SAMD12: variants seen among roughly 807,000 people sequenced by gnomAD.
SAMD12 encodes sterile alpha motif domain containing 12.
Under a neutral mutation model 15.0 loss-of-function variants are expected in SAMD12, and 9 were observed. The ratio of observed to expected loss-of-function variants is 0.60; its 90% confidence interval spans 0.36 to 1.05. SAMD12 has a LOEUF of 1.05. Among genes scored for constraint, SAMD12 ranks in the 50% least tolerant of loss-of-function variants. The pLI is 0.01. For synonymous variants in SAMD12, 86 were observed against 90.1 expected (o/e 0.96, Z 0.25); for missense variants, 230 against 234.2 (o/e 0.98, Z 0.12).
At chr8:118,556,735 C>T (rs1046621566) in intron 2 of SAMD12, among the ~76,000 whole-genome samples, 17 of 151,962 alleles carry the variant, frequency 1.1e-4, no homozygotes, top group African/African-American at 2.2e-4. Context: ...GAGGCCGAGG[C>T]GGGCGAATCA....
At chr8:118,547,010 G>T (rs948803383) in intron 2 of SAMD12, among the ~76,000 whole-genome samples, 6 of 152,154 alleles carry the variant, frequency 3.9e-5, no homozygotes, top group Non-Finnish European at 8.8e-5. Flanking sequence ...TACTGAAAAA[G>T]AATGTTTACA....
At chr8:118,428,569 A>C (rs56234774) in intron 3 of SAMD12, among the ~76,000 whole-genome samples, 7,371 of 152,170 alleles carry the variant, frequency 0.048, 424 homozygotes, top group African/African-American at 0.14. Context: ...ATAAAGTTTT[A>C]AATTTAGGTC....
At chr8:118,329,841 T>C (rs1478889200) in intron 4 of SAMD12, among the ~76,000 whole-genome samples, 3 of 152,168 alleles carry the variant, frequency 2.0e-5, no homozygotes, top group Non-Finnish European at 4.4e-5. Flanking sequence ...AGATGAATGA[T>C]GGGTTTATGT....
chr8:118,523,536 G>A (rs1034923431), intron 2 of SAMD12, among the ~76,000 whole-genome samples: 4 of 151,346 alleles, frequency 2.6e-5, no homozygotes, highest in East Asian at 2.0e-4. Context: ...TTCCTCTCTC[G>A]CACATGCCTT....
chr8:118,503,111 G>C (rs73317353), intron 2 of SAMD12, among the ~76,000 whole-genome samples: 9,832 of 152,186 alleles, frequency 0.065, 1,003 homozygotes, highest in African/African-American at 0.22. Flanking sequence ...TAAAGAGCTT[G>C]GTGGCTTTTA....
At chr8:118,224,609 A>G (rs561875156) in intron 4 of SAMD12, among the ~76,000 whole-genome samples, 2 of 152,336 alleles carry the variant, frequency 1.3e-5, no homozygotes, top group East Asian at 3.9e-4. Flanking sequence ...AAGGATTTAC[A>G]AAAATGAAAA....
intron 3 of SAMD12, among the ~76,000 whole-genome samples, chr8:118,393,327 A>G (rs1820381584): frequency 6.6e-6 from 1 of 152,068 alleles, no homozygotes; most frequent in South Asian, 2.1e-4. Context: ...GAGTATCTGG[A>G]ACTATAGGTG....
intron 3 of SAMD12, among the ~76,000 whole-genome samples, chr8:118,424,631 A>G (rs1822163067): frequency 6.6e-6 from 1 of 152,206 alleles, no homozygotes; most frequent in Non-Finnish European, 1.5e-5. Context: ...AACAGGGAAC[A>G]TGGGGGATCA....
At chr8:118,621,284 C>T (rs1828397929) in intron 1 of SAMD12, 1 of 163,546 alleles carries the variant, frequency 6.1e-6, no homozygotes, top group African/African-American at 2.4e-5. Context: ...GGTGTAGGGA[C>T]ACCTCTACCC....
intron 4 of SAMD12, among the ~76,000 whole-genome samples, chr8:118,256,980 C>G (rs938946387): frequency 6.6e-6 from 1 of 152,036 alleles, no homozygotes; most frequent in Admixed American, 6.6e-5. Flanking sequence ...GGTTACTAAT[C>G]GTGAGCTCTA....
intron 2 of SAMD12, among the ~76,000 whole-genome samples, chr8:118,445,543 T>A (rs1822888241): frequency 6.6e-6 from 1 of 152,148 alleles, no homozygotes; most frequent in African/African-American, 2.4e-5. Flanking sequence ...AAAAGAAGAA[T>A]ACATATCCCC....
rs1214648477 is a variant in SAMD12, at chr8:118,249,881, G to GCA, written c.434-52151_434-52150dup. On this transcript the variant is annotated intron_variant, in intron 4 of 4. Transcript: ENST00000409003. Reference sequence around the variant, plus strand: ...TCATAGGTGGATGTTCCTGGAGAAGGCATTAAGTAAGATCCAGAGTGCTGT... The same window carrying GCA: ...TCATAGGTGGATGTTCCTGGAGAAGGCACATTAAGTAAGATCCAGAGTGCTGT... Among the ~76,000 whole-genome samples the GCA allele has an allele frequency of 2.6e-5, 4 of 152,096 alleles. No individual in the cohort carries two copies. In the East Asian group the frequency reaches 7.7e-4, roughly 29 times the overall value.
chr8:118,219,850 A>G (rs1812047308), intron 4 of SAMD12, among the ~76,000 whole-genome samples: 1 of 152,210 alleles, frequency 6.6e-6, no homozygotes, highest in African/African-American at 2.4e-5. Context: ...GTGAAGCTGG[A>G]GAGTTGCTCA....
chr8:118,483,908 C>A (rs141797785), intron 2 of SAMD12, among the ~76,000 whole-genome samples: 1 of 152,334 alleles, frequency 6.6e-6, no homozygotes, highest in African/African-American at 2.4e-5. Flanking sequence ...TTTATTCAAT[C>A]AGCATATATA....
chr8:118,480,178 T>C (rs1049248855), intron 2 of SAMD12, among the ~76,000 whole-genome samples: 1 of 152,224 alleles, frequency 6.6e-6, no homozygotes, highest in Admixed American at 6.5e-5. Context: ...CTGATGCCTG[T>C]GGAAAGCGGC....
At chr8:118,449,798 CAAAAAAAAAAAAAAAA>C (rs35279962) in intron 2 of SAMD12, among the ~76,000 whole-genome samples, 1 of 72,462 alleles carries the variant, frequency 1.4e-5, no homozygotes, top group Non-Finnish European at 2.5e-5. Flanking sequence ...GAGACTGTCT[CAAAAAAAAAAAAAAAA>C]AAACAACAAA....
At chr8:118,595,040 A>T (rs1015067864) in intron 1 of SAMD12, among the ~76,000 whole-genome samples, 2 of 152,184 alleles carry the variant, frequency 1.3e-5, no homozygotes, top group Admixed American at 1.3e-4. Context: ...CCCTTTAGAT[A>T]CCGGGGCCAT....
At chr8:118,557,710 A>T (rs1056495265) in intron 2 of SAMD12, among the ~76,000 whole-genome samples, 1 of 152,226 alleles carries the variant, frequency 6.6e-6, no homozygotes, top group African/African-American at 2.4e-5. Flanking sequence ...GATCTTTTAA[A>T]AACAGAAACA....
At chr8:118,169,751 GGAC>G in the SAMD12 span, among the ~76,000 whole-genome samples, 2 of 152,098 alleles carry the variant, frequency 1.3e-5, no homozygotes, top group South Asian at 4.1e-4. Context: ...AAAAGATGAA[GGAC>G]AACAAAGGAA....
Sources: gnomAD v4.1 joint callset for allele counts (sites outside exome capture counted in the v4.1 genomes callset) on GRCh38, gnomAD v4.1.1 for gene constraint, MANE v1.5 for transcripts, NCBI Gene and HGNC (gene_info 2026-07-23, HGNC 2026-07-21) for gene names.